The following STAT2 variants were observed in gnomAD, a reference collection of about 807,000 sequenced individuals.
STAT2 encodes the protein signal transducer and activator of transcription 2.
In STAT2, 51 loss-of-function variants were observed where a neutral mutation model predicts 122.3. The observed-to-expected ratio is 0.42, with a 90% CI of 0.33 to 0.53. The LOEUF is 0.53. Ranked by LOEUF, STAT2 falls within the 20% of genes least tolerant of loss-of-function variation. The probability of loss-of-function intolerance (pLI) is 0.10; values close to 1 mark genes in which losing one functional copy is unlikely to be tolerated. For synonymous variants in STAT2, 351 were observed against 394.9 expected (o/e 0.89, Z 1.32); for missense variants, 736 against 1,010.3 (o/e 0.73, Z 3.68).
chr12:56,349,299 G>A, intron 15 of STAT2, 38 bp from the exon 16 acceptor site: 2 of 1,614,110 alleles, frequency 1.2e-6, no homozygotes, highest in Non-Finnish European at 8.5e-7. Context: ...GGGATGTGAT[G>A]TTTCTAGCTG....
chr12:56,359,968 G>T, intron 1 of STAT2, 90 bp downstream of exon 1: 1 of 882,388 alleles, frequency 1.1e-6, no homozygotes, highest in Non-Finnish European at 1.4e-6. Flanking sequence ...CTCTCCAGGG[G>T]GTAACCCCTG....
rs547961687 is a variant in STAT2 at position 56,344,349 on chromosome 12, G to C, written c.2103-214C>G. Among the ~76,000 whole-genome samples, 26 of 152,284 alleles carry C rather than the reference G, an allele frequency of 1.7e-4. No individual in the cohort carries two copies. The South Asian group carries it at 5.4e-3, about 32-fold the overall frequency. On this transcript the variant is annotated intron_variant, in intron 22 of 23. Coordinates refer to ENST00000314128, the MANE Select transcript of STAT2 (RefSeq NM_005419.4). Reference sequence around the variant, plus strand: ...AGCCTCAGATTTATCATCTATAAATGAGAACAATACCTAGTAATTCTTGAG... The same window carrying C: ...AGCCTCAGATTTATCATCTATAAATCAGAACAATACCTAGTAATTCTTGAG...
At chr12:56,358,962 G>A (rs1343973063) in intron 1 of STAT2, among the ~76,000 whole-genome samples, 1 of 152,176 alleles carries the variant, frequency 6.6e-6, no homozygotes, top group Non-Finnish European at 1.5e-5. Flanking sequence ...TCTCCCCACT[G>A]TTCCCTGCTC....
At chr12:56,354,411 C>T (rs1360137071) in intron 8 of STAT2, 55 bp downstream of exon 8, 1 of 1,611,006 alleles carries the variant, frequency 6.2e-7, no homozygotes, top group Non-Finnish European at 8.5e-7. Context: ...CAGGGCACTG[C>T]AACTTACAAA....
intron 18 of STAT2, 26 bp from the exon 19 acceptor site, chr12:56,348,649 A>G (rs1363354905): frequency 6.2e-7 from 1 of 1,614,194 alleles, no homozygotes; most frequent in African/African-American, 1.3e-5. Context: ...AAAGGTAGCA[A>G]AAGCTGAGGA....
Position 56,344,116 on chromosome 12 carries a change from G to A in STAT2, c.2122C>T (p.Gln708Ter). Residue 708 changes from glutamine (Q) to a stop codon, truncating the protein, a stop_gained, in exon 23 of 24, where the codon CAA (glutamine) becomes TAA (stop). Transcript: ENST00000314128. LOFTEE classifies it high-confidence loss of function. ...VSNRQVDELQ[Q>*]PLELKPEPEL... The stretch of plus-strand genomic sequence containing the variant: ...GGCTCTGGCTTAAGCTCCAGCGGTT[G>A]TTGCAGTTCATCCACCTGTCTGGAT... 1 of 1,559,018 alleles carries A rather than the reference G, an allele frequency of 6.4e-7. No homozygotes were observed.
Position 56,348,600 on chromosome 12 carries a change from T to C in STAT2, c.1653A>G (p.Leu551=). Residue 551 remains leucine, a synonymous_variant, in exon 19 of 24, where the codon TTA becomes TTG. Coordinates refer to ENST00000314128, the MANE Select transcript of STAT2 (RefSeq NM_005419.4). The part of the protein sequence containing the change: ...FTKRESPPGK[L]PFWTWLDKIL... Reference sequence around the variant, plus strand: ...TTTTGTCCAGCCATGTCCAGAATGGTAACTTGCCAGGAGGGCTCTCTCGCT... The same window carrying C: ...TTTTGTCCAGCCATGTCCAGAATGGCAACTTGCCAGGAGGGCTCTCTCGCT... 3 of 1,613,976 alleles carry C rather than the reference T, an allele frequency of 1.9e-6. No individual in the cohort carries two copies. The highest frequency in any genetic ancestry group is 2.5e-6 in the Non-Finnish European group (3 of 1,180,008).
intron 2 of STAT2, 77 bp from the exon 3 acceptor site, chr12:56,356,362 C>T: frequency 6.2e-7 from 1 of 1,605,548 alleles, no homozygotes; most frequent in Non-Finnish European, 8.5e-7. Context: ...CCCTTCCTGC[C>T]ATTAATGATT....
chr12:56,345,636 G>A (rs1303338121), intron 22 of STAT2, among the ~76,000 whole-genome samples: 2 of 145,470 alleles, frequency 1.4e-5, no homozygotes, highest in Non-Finnish European at 3.0e-5. Context: ...TGGGCAACAT[G>A]GTAAGACCCC....
chr12:56,343,965 G>A lies in STAT2; in HGVS notation c.2273C>T (p.Thr758Ile). ...GPELESVLES[T>I]LEPVIEPTLC... ...TGTGGGCTCTATCACAGGCTCCAGAGTGGACTCCAGCACAGACTCTAGCTC... is the reference window on the plus strand; with the variant it reads ...TGTGGGCTCTATCACAGGCTCCAGAATGGACTCCAGCACAGACTCTAGCTC... The change falls in exon 23 of 24, where the codon ACT becomes ATT. Residue 758 changes from threonine to isoleucine, a missense_variant. Transcript: ENST00000314128. The A allele has an allele frequency of 1.2e-6, 2 of 1,614,194 alleles. No individual in the cohort carries two copies. Among genetic ancestry groups the A allele is most frequent in the Non-Finnish European group, 8.5e-7 (1 of 1,180,028 alleles).
intron 13 of STAT2, chr12:56,349,874 C>T (rs1272347566): frequency 4.7e-6 from 3 of 644,622 alleles, no homozygotes; most frequent in African/African-American, 3.7e-5. Context: ...TATGGTGAAA[C>T]CCTATCTCTA....
At position 56,348,972 on chromosome 12, in the gene STAT2, G is replaced by A. The variant is rs2136053029; in HGVS notation, c.1528C>T (p.Arg510Ter). ...CTCAGCTGGTCTGAGTTGAGGCCTC[G>A]GCCAACATAGGAGGAGAACTGCCAA... is the stretch of plus-strand genomic sequence containing the variant. The part of the protein sequence containing the change: ...LSWQFSSYVG[R>*]GLNSDQLSML... Residue 510 changes from arginine (R) to a stop codon, truncating the protein, a stop_gained, in exon 17 of 24, where the codon CGA (arginine) becomes TGA (stop). Transcript: ENST00000314128. LOFTEE classifies it high-confidence loss of function. 1.9e-6 allele frequency: 3 copies of A among 1,613,866 alleles called. No homozygotes were observed. Among genetic ancestry groups the A allele is most frequent in the Non-Finnish European group, 2.5e-6 (3 of 1,179,948 alleles).
Position 56,349,247 on chromosome 12 carries a change from A to G in STAT2, c.1356T>C (p.Pro452=), listed in dbSNP as rs745535279. The part of the protein sequence containing the change: ...LKQELKTDTL[P]VVIISNMNQL... Reference sequence around the variant, plus strand: ...GGTTCATGTTGGAAATAATCACCACAGGGAGGGTGTCCGTCTGGGGAGAAG... The same window carrying G: ...GGTTCATGTTGGAAATAATCACCACGGGGAGGGTGTCCGTCTGGGGAGAAG... Residue 452 remains proline, a synonymous_variant, in exon 16 of 24, where the codon CCT becomes CCC. Coordinates refer to ENST00000314128, the MANE Select transcript of STAT2 (RefSeq NM_005419.4). The G allele has an allele frequency of 1.9e-6, 3 of 1,614,184 alleles. No individual in the cohort carries two copies. Among genetic ancestry groups the G allele is most frequent in the Non-Finnish European group, 2.5e-6 (3 of 1,180,030 alleles).
chr12:56,357,386 G>A (rs1304966424), intron 1 of STAT2, among the ~76,000 whole-genome samples: 1 of 151,838 alleles, frequency 6.6e-6, no homozygotes, highest in Non-Finnish European at 1.5e-5. Flanking sequence ...TGTTGCCCAG[G>A]CTGGAGTGCA....
At chr12:56,346,227 C>G in intron 21 of STAT2, 24 bp from the exon 22 acceptor site, 1 of 1,613,278 alleles carries the variant, frequency 6.2e-7, no homozygotes, top group Non-Finnish European at 8.5e-7. Flanking sequence ...ATACAAGAAG[C>G]AGAGAAGATC....
intron 12 of STAT2, 95 bp downstream of exon 12, chr12:56,350,317 C>T (rs1878253509): frequency 6.8e-7 from 1 of 1,460,112 alleles, no homozygotes; most frequent in Non-Finnish European, 9.4e-7. Flanking sequence ...ATCCCAAATC[C>T]CCCTCTTCCT....
chr12:56,345,172 CAA>C (rs35648397), intron 22 of STAT2, among the ~76,000 whole-genome samples: 6 of 27,146 alleles, frequency 2.2e-4, no homozygotes, highest in African/African-American at 3.4e-4. Flanking sequence ...GAGACTGTCT[CAA>C]AAAAAAAAAA....
Position 56,350,826 on chromosome 12 carries a change from T to G in STAT2, c.1094+3A>C. The G allele has an allele frequency of 6.2e-7, 1 of 1,613,946 alleles. No homozygotes were observed. ...TGGCCACCCTTCACCTGCTCCAATT[T>G]ACCTGTCAATGGAGACTTCCACAGT... On this transcript the variant is annotated splice_donor_region_variant and intron_variant, in intron 11 of 23. Coordinates refer to ENST00000314128, the MANE Select transcript of STAT2 (RefSeq NM_005419.4).
intron 5 of STAT2, 33 bp downstream of exon 5, chr12:56,355,410 C>T: frequency 6.2e-7 from 1 of 1,613,830 alleles, no homozygotes; most frequent in African/African-American, 1.3e-5. Flanking sequence ...AGGCTGAACG[C>T]TGTCAACCCT....
Sources: gnomAD v4.1 joint callset for allele counts (sites outside exome capture counted in the v4.1 genomes callset) on GRCh38, gnomAD v4.1.1 for gene constraint, MANE v1.5 for transcripts, NCBI Gene and HGNC (gene_info 2026-07-23, HGNC 2026-07-21) for gene names.